The following DACH1 variants were observed in gnomAD, a reference collection of about 807,000 sequenced individuals.
The protein encoded by DACH1 is dachshund homolog 1.
DACH1 carries 12 observed loss-of-function variants against 54.2 expected under a neutral mutation model. The observed-to-expected ratio is 0.22, with a 90% CI of 0.14 to 0.36. DACH1 has a LOEUF of 0.36. Among genes scored for constraint, DACH1 ranks in the 10% least tolerant of loss-of-function variants. The pLI is 1.00. For missense variants in DACH1, 805 were observed against 929.8 expected, an observed-to-expected ratio of 0.87 and a Z score of 1.75; for synonymous variants, 386 against 366.2, an observed-to-expected ratio of 1.05 and a Z score of -0.62.
intron 2 of DACH1, among the ~76,000 whole-genome samples, chr13:71,671,330 A>G (rs911106136): frequency 3.3e-5 from 5 of 152,018 alleles, no homozygotes; most frequent in African/African-American, 1.2e-4. Context: ...CCATAGTCAC[A>G]GTTTTATTCA....
intron 1 of DACH1, among the ~76,000 whole-genome samples, chr13:71,787,578 C>T (rs948960249): frequency 3.3e-5 from 5 of 152,156 alleles, no homozygotes; most frequent in African/African-American, 4.8e-5. Flanking sequence ...AGCCTCGCTT[C>T]GCTTGCCTCT....
intron 1 of DACH1, among the ~76,000 whole-genome samples, chr13:71,725,590 AT>A (rs1323106859): frequency 1.3e-5 from 2 of 152,060 alleles, no homozygotes; most frequent in Non-Finnish European, 2.9e-5. Flanking sequence ...TTATATTGCC[AT>A]TTTATGTAGC....
At chr13:71,567,654 A>C (rs1338067768) in intron 4 of DACH1, among the ~76,000 whole-genome samples, 1 of 152,080 alleles carries the variant, frequency 6.6e-6, no homozygotes, top group African/African-American at 2.4e-5. Context: ...TTTAATCTTT[A>C]TGACAACCTA....
Position 71,637,706 on chromosome 13 carries a change from T to A in DACH1, c.965-6989A>T, listed in dbSNP as rs558399497. Among the ~76,000 whole-genome samples, 4 of 152,300 alleles carry A rather than the reference T, an allele frequency of 2.6e-5. No homozygotes were observed. In the South Asian group the frequency reaches 8.3e-4, roughly 32 times the overall value. Reference sequence around the variant, plus strand: ...TAGTGTTTTTCTTCTGCTTTCAACCTTTATTAAAACGGCCTTTAAATTCTT... The same window carrying A: ...TAGTGTTTTTCTTCTGCTTTCAACCATTATTAAAACGGCCTTTAAATTCTT... On this transcript the variant is annotated intron_variant, in intron 2 of 10. Coordinates refer to ENST00000613252, the MANE Select transcript of DACH1 (RefSeq NM_080759.6).
intron 1 of DACH1, among the ~76,000 whole-genome samples, chr13:71,702,534 C>G (rs955577260): frequency 1.3e-5 from 2 of 152,000 alleles, no homozygotes; most frequent in Non-Finnish European, 2.9e-5. Flanking sequence ...TACATTGAAG[C>G]AGAAAATATT....
chr13:71,757,432 A>G (rs961110563), intron 1 of DACH1, among the ~76,000 whole-genome samples: 1 of 152,044 alleles, frequency 6.6e-6, no homozygotes. Flanking sequence ...TAACCTCTGT[A>G]GGGACCATTT....
intron 2 of DACH1, among the ~76,000 whole-genome samples, chr13:71,679,709 G>C (rs1452455787): frequency 3.9e-5 from 6 of 152,036 alleles, no homozygotes; most frequent in Admixed American, 1.3e-4. Context: ...AGTTGGCCAG[G>C]CGCAGTGGCT....
At chr13:71,702,131 A>C (rs1242058886) in intron 1 of DACH1, among the ~76,000 whole-genome samples, 2 of 152,182 alleles carry the variant, frequency 1.3e-5, no homozygotes, top group Non-Finnish European at 2.9e-5. Flanking sequence ...TACGCAAGTC[A>C]CAAGAAATGT....
rs193010042 is a variant in DACH1 at position 71,809,297 on chromosome 13, C to T, written c.848+56625G>A. Among the ~76,000 whole-genome samples the T allele has an allele frequency of 1.6e-4, 24 of 152,196 alleles. No homozygotes were observed. In the East Asian group the frequency reaches 4.1e-3, roughly 26 times the overall value. On this transcript the variant is annotated intron_variant, in intron 1 of 10. Transcript: ENST00000613252. Reference sequence around the variant, plus strand: ...TTTCCTGGGCTCAGGTAAGCCTCCACAGTAGCTGGGATTACAGGCATTGCC... The same window carrying T: ...TTTCCTGGGCTCAGGTAAGCCTCCATAGTAGCTGGGATTACAGGCATTGCC...
chr13:71,569,447 CAT>C (rs1209407563), intron 4 of DACH1, among the ~76,000 whole-genome samples: 6 of 152,084 alleles, frequency 3.9e-5, no homozygotes, highest in African/African-American at 1.4e-4. Flanking sequence ...ATATAATTCT[CAT>C]GTGTCATGAA....
At chr13:71,693,981 G>A (rs936778065) in intron 1 of DACH1, among the ~76,000 whole-genome samples, 2 of 152,204 alleles carry the variant, frequency 1.3e-5, no homozygotes, top group South Asian at 4.1e-4. Flanking sequence ...AGTTTTGTTT[G>A]TATTAAATGA....
At chr13:71,573,662 T>A in intron 3 of DACH1, 1 of 438,908 alleles carries the variant, frequency 2.3e-6, no homozygotes, top group Non-Finnish European at 4.1e-6. Flanking sequence ...AAAAAATGTA[T>A]CACATTTGGA....
chr13:71,792,991 G>C (rs1174907579), intron 1 of DACH1, among the ~76,000 whole-genome samples: 1 of 152,070 alleles, frequency 6.6e-6, no homozygotes, highest in Non-Finnish European at 1.5e-5. Flanking sequence ...CTCTCTTTTG[G>C]AGCAGCTTTT....
chr13:71,825,662 CA>C (rs1888351007), intron 1 of DACH1, among the ~76,000 whole-genome samples: 1 of 152,050 alleles, frequency 6.6e-6, no homozygotes, highest in Non-Finnish European at 1.5e-5. Flanking sequence ...GAGTAATACA[CA>C]TTGGATAGAT....
chr13:71,546,304 A>G (rs182534001), intron 6 of DACH1, among the ~76,000 whole-genome samples: 1 of 152,178 alleles, frequency 6.6e-6, no homozygotes, highest in Non-Finnish European at 1.5e-5. Flanking sequence ...AGGGATATAT[A>G]AAGAAGAAAA....
chr13:71,684,438 C>A (rs908145881), intron 1 of DACH1, among the ~76,000 whole-genome samples: 1 of 152,118 alleles, frequency 6.6e-6, no homozygotes, highest in Non-Finnish European at 1.5e-5. Flanking sequence ...TACTCAGTTT[C>A]TTAACAGTTT....
chr13:71,641,073 A>G (rs1032045320), intron 2 of DACH1, among the ~76,000 whole-genome samples: 7 of 152,040 alleles, frequency 4.6e-5, no homozygotes, highest in African/African-American at 1.7e-4. Flanking sequence ...AAAAAAAACA[A>G]AAGAGGTGGC....
chr13:71,662,479 G>A (rs1163871739), intron 2 of DACH1, among the ~76,000 whole-genome samples: 1 of 151,864 alleles, frequency 6.6e-6, no homozygotes, highest in Non-Finnish European at 1.5e-5. Flanking sequence ...CTGTAAAATG[G>A]AAATGGTAAT....
chr13:71,630,810 T>G, intron 2 of DACH1, 93 bp from the exon 3 acceptor site: 1 of 1,356,422 alleles, frequency 7.4e-7, no homozygotes, highest in Non-Finnish European at 9.6e-7. Context: ...CAAACATTTA[T>G]TAGAGTATCT....
Sources: gnomAD v4.1 joint callset for allele counts (sites outside exome capture counted in the v4.1 genomes callset) on GRCh38, gnomAD v4.1.1 for gene constraint, MANE v1.5 for transcripts, NCBI Gene and HGNC (gene_info 2026-07-23, HGNC 2026-07-21) for gene names.